IMPG2: variants seen among roughly 807,000 people sequenced by gnomAD.
The protein encoded by IMPG2 is IPM 200.
Under a neutral mutation model 129.2 loss-of-function variants are expected in IMPG2, and 91 were observed. That is an observed-to-expected ratio of 0.70 (90% CI 0.59 to 0.84). IMPG2 has a LOEUF of 0.84. Ranked by LOEUF, IMPG2 falls within the 40% of genes least tolerant of loss-of-function variation. The probability of loss-of-function intolerance (pLI) is 0.00; values close to 1 mark genes in which losing one functional copy is unlikely to be tolerated. For synonymous variants in IMPG2, 510 were observed against 517.7 expected (o/e 0.99, Z 0.20); for missense variants, 1,430 against 1,461.7 (o/e 0.98, Z 0.35).
chr3:101,291,324 GA>G (rs2107126294), intron 4 of IMPG2, among the ~76,000 whole-genome samples, 154 bp downstream of exon 4: 1 of 152,300 alleles, frequency 6.6e-6, no homozygotes, highest in South Asian at 2.1e-4. Flanking sequence ...GGTGGCTTGG[GA>G]ATGAGGAAAA....
intron 10 of IMPG2, among the ~76,000 whole-genome samples, chr3:101,254,244 C>T (rs971039804): frequency 4.6e-5 from 7 of 152,034 alleles, no homozygotes; most frequent in Non-Finnish European, 8.8e-5. Flanking sequence ...AAATCTTTGT[C>T]ACTGTAATGA....
intron 4 of IMPG2, among the ~76,000 whole-genome samples, chr3:101,278,826 A>C (rs1280688552): frequency 6.6e-6 from 1 of 152,222 alleles, no homozygotes; most frequent in Admixed American, 6.5e-5. Context: ...CATTTGCATA[A>C]AATTGCTTAT....
At chr3:101,294,956 GT>G (rs1707063417) in intron 3 of IMPG2, among the ~76,000 whole-genome samples, 1 of 151,872 alleles carries the variant, frequency 6.6e-6, no homozygotes, top group Admixed American at 6.6e-5. Context: ...GTAAATTTAA[GT>G]TCCTTGTAGA....
rs115041522 is a variant in IMPG2 at position 101,309,666 on chromosome 3, G to A, written c.335-5354C>T. On this transcript the variant is annotated intron_variant, in intron 2 of 18. Coordinates refer to ENST00000193391, the MANE Select transcript of IMPG2 (RefSeq NM_016247.4). ...ATTATAACTCAGGATGAAATTTTGG[G>A]TGGGGACACAGCCAAACCATATCAC... 7.5e-3 allele frequency among the ~76,000 whole-genome samples: 1,147 copies of A among 152,216 alleles called. 12 individuals are homozygous for A. Among genetic ancestry groups the A allele is most frequent in the African/African-American group, 0.022 (931 of 41,532 alleles).
At chr3:101,306,437 A>G (rs1707190126) in intron 2 of IMPG2, among the ~76,000 whole-genome samples, 1 of 152,212 alleles carries the variant, frequency 6.6e-6, no homozygotes, top group Non-Finnish European at 1.5e-5. Flanking sequence ...TATTATTGTT[A>G]TTAAGAACTT....
At chr3:101,309,653 G>T (rs1488281589) in intron 2 of IMPG2, among the ~76,000 whole-genome samples, 1 of 152,082 alleles carries the variant, frequency 6.6e-6, no homozygotes, top group Non-Finnish European at 1.5e-5. Context: ...TATAACTCAG[G>T]ATGAAATTTT....
At position 101,232,895 on chromosome 3, in the gene IMPG2, G is replaced by A; in HGVS notation, c.3119C>T (p.Pro1040Leu). The change falls in exon 15 of 19, where the codon CCT becomes CTT. Residue 1040 changes from proline to leucine, a missense_variant. Transcript: ENST00000193391. The part of the protein sequence containing the change: ...WSGEAKCRCF[P>L]GYLSVEERPC... ...CCGTTCTTCCACACTCAGGTATCCA[G>A]GGAAGCATCTGCACTTTGCTTCTCC... 1.2e-6 allele frequency: 2 copies of A among 1,613,918 alleles called. No individual in the cohort carries two copies. Among genetic ancestry groups the A allele is most frequent in the Non-Finnish European group, 8.5e-7 (1 of 1,180,000 alleles).
rs190389472 is a variant in IMPG2, at chr3:101,310,790, T to C, written c.335-6478A>G. ...TATGGGAGAGCTTCCAGAAGTGATA[T>C]AAATCACCAGGCTTCATAGCAGACC... On this transcript the variant is annotated intron_variant, in intron 2 of 18. Coordinates refer to ENST00000193391, the MANE Select transcript of IMPG2 (RefSeq NM_016247.4). Among the ~76,000 whole-genome samples, 748 of 152,236 alleles carry C rather than the reference T, an allele frequency of 4.9e-3. 7 individuals are homozygous for C. The highest frequency in any genetic ancestry group is 6.6e-3 in the Non-Finnish European group (447 of 68,008).
At chr3:101,276,613 T>A in intron 5 of IMPG2, 51 bp downstream of exon 5, 1 of 1,274,700 alleles carries the variant, frequency 7.8e-7, no homozygotes, top group Non-Finnish European at 1.1e-6. Flanking sequence ...GAGCCTGTCT[T>A]AAACCATAAA....
intron 9 of IMPG2, among the ~76,000 whole-genome samples, chr3:101,264,969 G>C (rs147481700): frequency 1.3e-5 from 2 of 151,608 alleles, no homozygotes; most frequent in East Asian, 3.9e-4. Flanking sequence ...AATAAAATAC[G>C]TAAAAATAAA....
Position 101,319,636 on chromosome 3 carries a change from A to C in IMPG2, c.282T>G (p.Asp94Glu), listed in dbSNP as rs768824862. 1.9e-6 allele frequency: 3 copies of C among 1,613,618 alleles called. No homozygotes were observed. Among genetic ancestry groups the C allele is most frequent in the African/African-American group, 2.7e-5 (2 of 74,894 alleles). ...LFPNGVKICP[D>E]ESVAEAVANH... ...TTGCCACAGCCTCTGCAACACTTTC[A>C]TCTGGGCAGATTTTCACTCCATTAG... Residue 94 changes from aspartate to glutamate, a missense_variant, in exon 2 of 19, where the codon GAT (aspartate) becomes GAG (glutamate). By Grantham distance (45) the Asp-to-Glu change is conservative (BLOSUM62 2). Transcript: ENST00000193391.
At chr3:101,314,486 G>A (rs1335439222) in intron 2 of IMPG2, among the ~76,000 whole-genome samples, 2 of 152,002 alleles carry the variant, frequency 1.3e-5, no homozygotes, top group South Asian at 2.1e-4. Flanking sequence ...TATACCCAGC[G>A]TTTGGGTCCT....
At chr3:101,285,977 C>A (rs1430558033) in intron 4 of IMPG2, among the ~76,000 whole-genome samples, 3 of 151,920 alleles carry the variant, frequency 2.0e-5, no homozygotes, top group Non-Finnish European at 2.9e-5. Flanking sequence ...ATTTTTTAAT[C>A]TCTGAATGAT....
chr3:101,229,291 C>T (rs552134419), intron 17 of IMPG2, 89 bp downstream of exon 17: 5 of 1,061,326 alleles, frequency 4.7e-6, no homozygotes, highest in Non-Finnish European at 7.2e-6. Flanking sequence ...CACACATACA[C>T]TCATACACAC....
chr3:101,284,955 C>T (rs946589418), intron 4 of IMPG2, among the ~76,000 whole-genome samples: 3 of 152,178 alleles, frequency 2.0e-5, no homozygotes, highest in Admixed American at 6.5e-5. Context: ...TTTCCTTTTG[C>T]TGACATTGCT....
intron 11 of IMPG2, among the ~76,000 whole-genome samples, chr3:101,249,800 A>C (rs1706524101): frequency 6.6e-6 from 1 of 151,934 alleles, no homozygotes; most frequent in South Asian, 2.1e-4. Context: ...ATGTCAAAAA[A>C]AAAAAAAAAA....
chr3:101,229,351 G>T (rs368398105), intron 17 of IMPG2, 29 bp downstream of exon 17: 4 of 1,424,684 alleles, frequency 2.8e-6, no homozygotes, highest in Non-Finnish European at 3.8e-6. Flanking sequence ...CAGTAGCTGC[G>T]ACAGCAACAT....
intron 3 of IMPG2, among the ~76,000 whole-genome samples, chr3:101,295,589 T>C (rs778376752): frequency 2.0e-5 from 3 of 152,154 alleles, no homozygotes; most frequent in Non-Finnish European, 4.4e-5. Context: ...TTTCTAATTC[T>C]GTGAAGAATG....
At chr3:101,249,163 C>A (rs1706517093) in intron 11 of IMPG2, among the ~76,000 whole-genome samples, 1 of 152,196 alleles carries the variant, frequency 6.6e-6, no homozygotes, top group Non-Finnish European at 1.5e-5. Flanking sequence ...TTGCTTCCCA[C>A]TGTTGTTAGT....
Sources: gnomAD v4.1 joint callset for allele counts (sites outside exome capture counted in the v4.1 genomes callset) on GRCh38, gnomAD v4.1.1 for gene constraint, MANE v1.5 for transcripts, NCBI Gene and HGNC (gene_info 2026-07-23, HGNC 2026-07-21) for gene names.